Variants in UGGT2 observed in about 807,000 individuals in gnomAD.
UGGT2 encodes UDP-glucose:glycoprotein glucosyltransferase 2.
In UGGT2, 180 loss-of-function variants were observed where a neutral mutation model predicts 192.1. The observed-to-expected ratio is 0.94, with a 90% CI of 0.83 to 1.06. The LOEUF (loss-of-function observed/expected upper bound fraction) is 1.06, where lower values mean the gene tolerates loss of function less well. Among genes scored for constraint, UGGT2 ranks in the 50% least tolerant of loss-of-function variants. The probability of loss-of-function intolerance (pLI) is 0.00; values close to 1 mark genes in which losing one functional copy is unlikely to be tolerated. For synonymous variants in UGGT2, 580 were observed against 591.0 expected (o/e 0.98, Z 0.27); for missense variants, 1,849 against 1,795.7 (o/e 1.03, Z -0.54).
intron 36 of UGGT2, 31 bp downstream of exon 36, chr13:95,853,512 C>G: frequency 1.9e-6 from 3 of 1,586,342 alleles, no homozygotes; most frequent in Non-Finnish European, 2.6e-6. Flanking sequence ...TGTACACACA[C>G]TCAAAATTAT....
chr13:95,999,713 G>A (rs1375915818), intron 5 of UGGT2, among the ~76,000 whole-genome samples: 1 of 152,144 alleles, frequency 6.6e-6, no homozygotes, highest in Non-Finnish European at 1.5e-5. Flanking sequence ...CTTGCTGGTT[G>A]TCTAGATGTA....
chr13:95,899,996 A>C (rs2048056837), intron 22 of UGGT2, among the ~76,000 whole-genome samples: 1 of 152,190 alleles, frequency 6.6e-6, no homozygotes, highest in Non-Finnish European at 1.5e-5. Flanking sequence ...CAGATACGTG[A>C]AAAACACTGC....
chr13:95,986,133 T>A (rs1366290482), intron 9 of UGGT2, among the ~76,000 whole-genome samples, 200 bp downstream of exon 9: 1 of 129,978 alleles, frequency 7.7e-6, no homozygotes, highest in Non-Finnish European at 1.8e-5. Context: ...TACCTTACAG[T>A]GCATACACAC....
At chr13:95,879,897 T>G (rs2047444373) in intron 27 of UGGT2, among the ~76,000 whole-genome samples, 1 of 150,440 alleles carries the variant, frequency 6.6e-6, no homozygotes, top group African/African-American at 2.4e-5. Context: ...ATGTATTAAT[T>G]TTTTTTTATT....
chr13:95,912,636 C>CAA (rs2048539637), intron 20 of UGGT2, among the ~76,000 whole-genome samples: 1 of 152,184 alleles, frequency 6.6e-6, no homozygotes, highest in Non-Finnish European at 1.5e-5. Context: ...TAGGAAGACT[C>CAA]AATATCATGA....
chr13:95,979,012 GTTCA>G (rs1255867756), intron 10 of UGGT2, among the ~76,000 whole-genome samples: 1 of 151,994 alleles, frequency 6.6e-6, no homozygotes, highest in East Asian at 1.9e-4. Flanking sequence ...TCTGCATTTG[GTTCA>G]TTAAGCAATT....
At position 95,821,912 on chromosome 13, in the gene UGGT2, T is replaced by C. The variant is rs187348391; in HGVS notation, c.4528+11015A>G. Among the ~76,000 whole-genome samples, 11 of 152,316 alleles carry C rather than the reference T, an allele frequency of 7.2e-5. No individual in the cohort carries two copies. In the East Asian group the frequency reaches 1.3e-3, roughly 19 times the overall value. ...TTTCTGTGTTCTCCCTGCTGTTCCA[T>C]TGGTCTACATGCCTATTTTTATACA... On this transcript the variant is annotated intron_variant, in intron 38 of 38. Transcript: ENST00000376747.
At chr13:96,052,851 C>G (rs1041374635) in intron 1 of UGGT2, among the ~76,000 whole-genome samples, 16 of 152,248 alleles carry the variant, frequency 1.1e-4, no homozygotes, top group African/African-American at 3.4e-4. Context: ...CCAGTAGAAG[C>G]TCTTGCGTTA....
intron 1 of UGGT2, 147 bp from the exon 2 acceptor site, chr13:96,032,118 T>C: frequency 7.5e-6 from 4 of 530,736 alleles, no homozygotes; most frequent in East Asian, 3.1e-5. Context: ...CCATTTACTA[T>C]AACACTGGAA....
chr13:95,972,214 T>C (rs2050795089), intron 11 of UGGT2, among the ~76,000 whole-genome samples: 1 of 152,102 alleles, frequency 6.6e-6, no homozygotes. Flanking sequence ...CTCTTGTCAA[T>C]TTCTGTCTTC....
intron 37 of UGGT2, among the ~76,000 whole-genome samples, chr13:95,834,608 C>G (rs1052265488): frequency 6.6e-6 from 1 of 152,146 alleles, no homozygotes; most frequent in African/African-American, 2.4e-5. Flanking sequence ...ATTCTCTTTT[C>G]TCCTCCATGA....
intron 10 of UGGT2, among the ~76,000 whole-genome samples, chr13:95,981,751 A>C (rs930499662): frequency 6.6e-6 from 1 of 152,208 alleles, no homozygotes; most frequent in Non-Finnish European, 1.5e-5. Context: ...TCTCGTGTCC[A>C]ATCCGTGTGC....
At chr13:95,872,099 T>C (rs1386899325) in intron 29 of UGGT2, among the ~76,000 whole-genome samples, 1 of 152,188 alleles carries the variant, frequency 6.6e-6, no homozygotes, top group Non-Finnish European at 1.5e-5. Flanking sequence ...AATTTGGCAT[T>C]AAAGGTGCAT....
intron 38 of UGGT2, among the ~76,000 whole-genome samples, chr13:95,808,686 C>T (rs1030496823): frequency 6.6e-6 from 1 of 152,176 alleles, no homozygotes; most frequent in African/African-American, 2.4e-5. Flanking sequence ...GAGGCTATCA[C>T]GTACCAATAT....
intron 17 of UGGT2, among the ~76,000 whole-genome samples, chr13:95,931,073 C>T (rs2140470395): frequency 6.6e-6 from 1 of 152,248 alleles, no homozygotes; most frequent in African/African-American, 2.4e-5. Flanking sequence ...CTGATTGGTC[C>T]ATTCTACAGA....
At chr13:95,850,510 T>G (rs1423191624) in intron 36 of UGGT2, among the ~76,000 whole-genome samples, 1 of 152,202 alleles carries the variant, frequency 6.6e-6, no homozygotes, top group South Asian at 2.1e-4. Flanking sequence ...TGTGGAAGTC[T>G]GCTAGCCTTG....
intron 4 of UGGT2, among the ~76,000 whole-genome samples, chr13:96,018,602 T>C (rs2052411501): frequency 6.6e-6 from 1 of 152,060 alleles, no homozygotes; most frequent in African/African-American, 2.4e-5. Context: ...TAAATGAGTA[T>C]AACTTTCTCC....
chr13:95,870,296 TTTG>T lies in UGGT2; in HGVS notation c.3474-2876_3474-2874del, dbSNP rs925268005. ...CAGTAGTTAGAAAGATACACCCATT[TTTG>T]TTGTTGTTGTTACTCAACTCTTTTG... On this transcript the variant is annotated intron_variant, in intron 29 of 38. Transcript: ENST00000376747. 1.1e-4 allele frequency among the ~76,000 whole-genome samples: 16 copies of T among 152,266 alleles called. No individual in the cohort carries two copies. In the East Asian group the frequency reaches 1.5e-3, roughly 15 times the overall value.
At chr13:95,839,363 C>T (rs1233678217) in intron 36 of UGGT2, among the ~76,000 whole-genome samples, 2 of 152,094 alleles carry the variant, frequency 1.3e-5, no homozygotes, top group African/African-American at 4.8e-5. Context: ...TTTGTTTAGT[C>T]TGGACATATC....
Sources: gnomAD v4.1 joint callset for allele counts (sites outside exome capture counted in the v4.1 genomes callset) on GRCh38, gnomAD v4.1.1 for gene constraint, MANE v1.5 for transcripts, NCBI Gene and HGNC (gene_info 2026-07-23, HGNC 2026-07-21) for gene names.